Variants in DNAH1 observed in about 807,000 individuals in gnomAD.
DNAH1 encodes the protein axonemal beta dynein heavy chain 1.
Under a neutral mutation model 484.3 loss-of-function variants are expected in DNAH1, and 327 were observed. That is an observed-to-expected ratio of 0.68 (90% CI 0.62 to 0.74). The LOEUF (loss-of-function observed/expected upper bound fraction) is 0.74. DNAH1 is among the 30% of genes least tolerant of loss of function. The pLI is 0.00. For synonymous variants in DNAH1, 2,192 were observed against 2,191.9 expected, an observed-to-expected ratio of 1.00 and a Z score of 0.00; for missense variants, 5,052 against 5,546.8, an observed-to-expected ratio of 0.91 and a Z score of 2.83.
chr3:52,378,484 G>A, intron 46 of DNAH1, 118 bp from the exon 47 acceptor site: 1 of 1,134,916 alleles, frequency 8.8e-7, no homozygotes, highest in Non-Finnish European at 1.3e-6. Context: ...CAAGCCTGAA[G>A]GCTGGGGAAG....
Position 52,352,548 on chromosome 3 carries a change from G to C in DNAH1, c.2872-4G>C. ...CATCTGACCCATTGCTCCTTGGCCTGCAGCTGGTAGTAGCTGGCTTCTCCA... is the reference window on the plus strand; with the variant it reads ...CATCTGACCCATTGCTCCTTGGCCTCCAGCTGGTAGTAGCTGGCTTCTCCA... On this transcript the variant is annotated splice_region_variant and splice_polypyrimidine_tract_variant and intron_variant, in intron 17 of 77. Coordinates refer to ENST00000420323, the MANE Select transcript of DNAH1 (RefSeq NM_015512.5). 1 of 1,607,130 alleles carries C rather than the reference G, an allele frequency of 6.2e-7. No individual in the cohort carries two copies. Among genetic ancestry groups the C allele is most frequent in the Non-Finnish European group, 8.5e-7 (1 of 1,174,758 alleles).
intron 8 of DNAH1, among the ~76,000 whole-genome samples, chr3:52,342,705 G>A (rs556622537): frequency 3.3e-5 from 5 of 152,296 alleles, no homozygotes; most frequent in East Asian, 3.9e-4. Flanking sequence ...GGTCAGTAGG[G>A]TGTGTGCAAT....
chr3:52,322,404 C>T lies in DNAH1; in HGVS notation c.-34-5C>T, dbSNP rs749954459. 2.5e-6 allele frequency: 4 copies of T among 1,579,604 alleles called. No homozygotes were observed. The highest frequency in any genetic ancestry group is 2.3e-5 in the South Asian group (2 of 86,048). Reference sequence around the variant, plus strand: ...GGGCTGACTGACGCTGGGTTCTTCTCCTAGGAGCTTCGGCTGGGGCATCTC... The same window carrying T: ...GGGCTGACTGACGCTGGGTTCTTCTTCTAGGAGCTTCGGCTGGGGCATCTC... On this transcript the variant is annotated splice_polypyrimidine_tract_variant and splice_region_variant and intron_variant, in intron 1 of 77. Transcript: ENST00000420323.
At position 52,384,898 on chromosome 3, in the gene DNAH1, A is replaced by C; in HGVS notation, c.8435A>C (p.His2812Pro). 1.9e-6 allele frequency: 3 copies of C among 1,613,702 alleles called. No individual in the cohort carries two copies. The highest frequency in any genetic ancestry group is 2.5e-6 in the Non-Finnish European group (3 of 1,179,752). ...CCCAAGAGCTACTTGGAGCTGCTTCATATTTTCTCCATCCTCATCGGGCAG... is the reference window on the plus strand; with the variant it reads ...CCCAAGAGCTACTTGGAGCTGCTTCCTATTTTCTCCATCCTCATCGGGCAG... ...VTPKSYLELL[H>P]IFSILIGQKK... The change falls in exon 53 of 78, where the codon CAT becomes CCT. Residue 2812 changes from histidine to proline, a missense_variant. His to Pro is a moderately conservative substitution (Grantham distance 77). Coordinates refer to ENST00000420323, the MANE Select transcript of DNAH1 (RefSeq NM_015512.5).
chr3:52,361,000 C>T (rs971992527), intron 28 of DNAH1, among the ~76,000 whole-genome samples, 164 bp from the exon 29 acceptor site: 2 of 152,104 alleles, frequency 1.3e-5, no homozygotes, highest in Non-Finnish European at 2.9e-5. Context: ...ACGCGCTGGG[C>T]AGGTGTCCAC....
rs755578221 is a variant in DNAH1 at position 52,395,420 on chromosome 3, T to C, written c.11081T>C (p.Met3694Thr). Residue 3694 changes from methionine (M) to threonine (T), a missense_variant, in exon 69 of 78, where the codon ATG becomes ACG. By Grantham distance (81) the Met-to-Thr change is moderately conservative. This residue lies in a region of DNAH1 where 853 missense variants were observed against 899.0 expected (regional missense o/e 0.95). Transcript: ENST00000420323. The surrounding 1 kb of genome is among the most constrained non-coding windows in gnomAD (Gnocchi z 4.4). The part of the protein sequence containing the change: ...AADLYKFAEE[M>T]KFSKKLSAIS... ...GACCTCTACAAGTTTGCCGAAGAAATGAAGTTCTCCAAAAAGCTCTCTGCC... is the reference window on the plus strand; with the variant it reads ...GACCTCTACAAGTTTGCCGAAGAAACGAAGTTCTCCAAAAAGCTCTCTGCC... 2 of 1,613,710 alleles carry C rather than the reference T, an allele frequency of 1.2e-6. No homozygotes were observed. The highest frequency in any genetic ancestry group is 1.1e-5 in the South Asian group (1 of 91,082).
rs545694619 is a variant in DNAH1, at chr3:52,371,886, C to A, written c.6526-60C>A. On this transcript the variant is annotated intron_variant, in intron 41 of 77. Coordinates refer to ENST00000420323, the MANE Select transcript of DNAH1 (RefSeq NM_015512.5). ...CCTTCTGCACTTGGCCATGGGGCCG[C>A]AGCCAGGAGTGGGGCAGGGAGGGGT... 12 of 1,588,816 alleles carry A rather than the reference C, an allele frequency of 7.6e-6. No homozygotes were observed. The Admixed American group carries it at 1.0e-4, about 14-fold the overall frequency.
intron 73 of DNAH1, 51 bp downstream of exon 73, chr3:52,397,095 C>A: frequency 6.6e-7 from 1 of 1,511,656 alleles, no homozygotes; most frequent in South Asian, 1.2e-5. Context: ...GCCTGGGGTT[C>A]TGGGGTACCA....
intron 11 of DNAH1, among the ~76,000 whole-genome samples, chr3:52,347,128 G>A (rs1017552555): frequency 6.6e-6 from 1 of 152,228 alleles, no homozygotes; most frequent in East Asian, 1.9e-4. Context: ...GGTTTTGGCA[G>A]GGGCCATGAT....
In DNAH1 at chr3:52,381,870, G is replaced by A. The variant is rs927881563; in HGVS notation, c.7805+34G>A. 5.8e-6 allele frequency: 9 copies of A among 1,542,652 alleles called. No individual in the cohort carries two copies. The highest frequency in any genetic ancestry group is 4.8e-5 in the East Asian group (2 of 41,270). On this transcript the variant is annotated intron_variant, in intron 49 of 77. Coordinates refer to ENST00000420323, the MANE Select transcript of DNAH1 (RefSeq NM_015512.5). The surrounding 1 kb of genome is among the most constrained non-coding windows in gnomAD (Gnocchi z 4.1). ...CTCCAGGGCGTGCTGGGCAGTGGGC[G>A]GCCAGGGCTGGCTGGTCGGTTTGAC... is the stretch of plus-strand genomic sequence containing the variant.
At position 52,332,252 on chromosome 3, in the gene DNAH1, C is replaced by T. The variant is rs546902854; in HGVS notation, c.1144C>T (p.Arg382Cys). 5.0e-6 allele frequency: 8 copies of T among 1,613,990 alleles called. No homozygotes were observed. The highest frequency in any genetic ancestry group is 3.3e-5 in the South Asian group (3 of 91,070). The change falls in exon 8 of 78, where the codon CGC (arginine) becomes TGC (cysteine). Residue 382 changes from arginine (R) to cysteine (C), a missense_variant. By Grantham distance (180) the Arg-to-Cys change is radical. This residue lies in a region of DNAH1 where 1,263 missense variants were observed against 1,218.8 expected (regional missense o/e 1.04). Transcript: ENST00000420323. ...ACGTGTGGTCCAGGCCAACGCCCTG[C>T]GCAAGAACACGGAAGCACTGCTGCT... Reference protein sequence around the residue: ...AQRVVQANALRKNTEALLLYN... With the variant: ...AQRVVQANALCKNTEALLLYN...
chr3:52,379,473 G>A lies in DNAH1; in HGVS notation c.7378-432G>A, dbSNP rs1261649742. ...CAGCTGAGATGGAGAGAGGGGGCAG[G>A]TTCAGAGGAGATTGGTGGGTCATGT... On this transcript the variant is annotated intron_variant, in intron 47 of 77. Transcript: ENST00000420323. This position sits in a 1 kb window ranked among gnomAD's most constrained non-coding sequence, Gnocchi z 4.4. 6.6e-6 allele frequency among the ~76,000 whole-genome samples: 1 copy of A among 152,170 alleles called. No homozygotes were observed. The highest frequency in any genetic ancestry group is 1.5e-5 in the Non-Finnish European group (1 of 68,036).
At chr3:52,354,402 G>A (rs935553347) in intron 20 of DNAH1, among the ~76,000 whole-genome samples, 10 of 152,368 alleles carry the variant, frequency 6.6e-5, no homozygotes, top group Non-Finnish European at 1.2e-4. Context: ...GGAGGCCGAG[G>A]CGGGTGGATC....
In DNAH1 at chr3:52,332,292, T is replaced by A. The variant is rs779958913; in HGVS notation, c.1184T>A (p.Val395Glu). 2 of 1,614,092 alleles carry A rather than the reference T, an allele frequency of 1.2e-6. No homozygotes were observed. Among genetic ancestry groups the A allele is most frequent in the South Asian group, 1.1e-5 (1 of 91,088 alleles). ...TEALLLYNLYVDCMPSDGQHV... is the reference protein window; with the variant it reads ...TEALLLYNLYEDCMPSDGQHV... ...GCACTGCTGCTCTACAACTTGTATGTGGACTGCATGCCCTCTGACGGCCAG... is the reference window on the plus strand; with the variant it reads ...GCACTGCTGCTCTACAACTTGTATGAGGACTGCATGCCCTCTGACGGCCAG... The change falls in exon 8 of 78, where the codon GTG becomes GAG. Residue 395 changes from valine to glutamate, a missense_variant. Transcript: ENST00000420323.
rs998654359 is a variant in DNAH1 at position 52,347,102 on chromosome 3, A to G, written c.1955+332A>G. Among the ~76,000 whole-genome samples, 4 of 152,306 alleles carry G rather than the reference A, an allele frequency of 2.6e-5. No individual in the cohort carries two copies. The Middle Eastern group carries it at 0.01, about 389-fold the overall frequency. On this transcript the variant is annotated intron_variant, in intron 11 of 77. Coordinates refer to ENST00000420323, the MANE Select transcript of DNAH1 (RefSeq NM_015512.5). ...ACAGGCAGCAAGCAGATAAATACATACACACAGTCATTGCCGGTTTTGGCA... is the reference window on the plus strand; with the variant it reads ...ACAGGCAGCAAGCAGATAAATACATGCACACAGTCATTGCCGGTTTTGGCA...
upstream of DNAH1, among the ~76,000 whole-genome samples, chr3:52,312,594 C>T (rs1213940997): frequency 6.6e-6 from 1 of 151,978 alleles, no homozygotes; most frequent in African/African-American, 2.4e-5. Flanking sequence ...CCTCAGCCTC[C>T]CATGTAGCTG....
chr3:52,386,060 C>A, intron 54 of DNAH1, 100 bp from the exon 55 acceptor site: 1 of 1,352,682 alleles, frequency 7.4e-7, no homozygotes. Flanking sequence ...GCTGGAGGGC[C>A]CTTGGAGAAC....
rs776834784 is a variant in DNAH1, at chr3:52,347,883, A to G, written c.2015A>G (p.Tyr672Cys). Reference sequence around the variant, plus strand: ...GTGCTGGACAGCTCTGGGGTGCACTATAGCACCCCACTGGAGCAGTTTGAG... The same window carrying G: ...GTGCTGGACAGCTCTGGGGTGCACTGTAGCACCCCACTGGAGCAGTTTGAG... Reference protein sequence around the residue: ...DLVLDSSGVHYSTPLEQFEAS... With the variant: ...DLVLDSSGVHCSTPLEQFEAS... Residue 672 changes from tyrosine (Y) to cysteine (C), a missense_variant, in exon 12 of 78, where the codon TAT becomes TGT. Physicochemically the swap from Tyr to Cys is radical, Grantham distance 194 (BLOSUM62 -2). Around this residue, in one of 4 missense-constraint regions of DNAH1, gnomAD observed 1,263 missense variants for 1,218.8 expected, o/e 1.04. Coordinates refer to ENST00000420323, the MANE Select transcript of DNAH1 (RefSeq NM_015512.5). 23 of 1,607,052 alleles carry G rather than the reference A, an allele frequency of 1.4e-5. No homozygotes were observed. Among genetic ancestry groups the G allele is most frequent in the South Asian group, 4.5e-5 (4 of 89,628 alleles).
In DNAH1 at chr3:52,346,650, G is replaced by A. The variant is rs371402883; in HGVS notation, c.1835G>A (p.Arg612His). 9.9e-6 allele frequency: 16 copies of A among 1,613,936 alleles called. No homozygotes were observed. Among genetic ancestry groups the A allele is most frequent in the African/African-American group, 4.0e-5 (3 of 74,942 alleles). The change falls in exon 11 of 78, where the codon CGC becomes CAC. Residue 612 changes from arginine to histidine, a missense_variant. Physicochemically the swap from Arg to His is conservative, Grantham distance 29 (BLOSUM62 0). Coordinates refer to ENST00000420323, the MANE Select transcript of DNAH1 (RefSeq NM_015512.5). ...LVKYMLQDTL[R>H]FLVQDSLASF... ...AAGTACATGCTGCAGGACACACTGC[G>A]CTTCCTGGTGCAGGACTCACTTGCC...
Sources: gnomAD v4.1 joint callset for allele counts (sites outside exome capture counted in the v4.1 genomes callset) on GRCh38, gnomAD v4.1.1 for gene constraint, gnomAD v4.1.1 regional missense constraint, Gnocchi (gnomAD v3.1) non-coding constraint, MANE v1.5 for transcripts, NCBI Gene and HGNC (gene_info 2026-07-23, HGNC 2026-07-21) for gene names.